Variants in SHQ1 observed in about 807,000 individuals in gnomAD.
SHQ1 encodes protein SHQ1 homolog.
In SHQ1, 49 loss-of-function variants were observed where a neutral mutation model predicts 53.8. The observed-to-expected ratio is 0.91, with a 90% CI of 0.72 to 1.16. The LOEUF is 1.16. SHQ1 is among the 50% of genes most tolerant of loss of function. The pLI is 0.00. For missense variants in SHQ1, 738 were observed against 683.1 expected (o/e 1.08, Z -0.90); for synonymous variants, 243 against 251.0 (o/e 0.97, Z 0.30).
downstream of SHQ1, among the ~76,000 whole-genome samples, chr3:72,746,455 G>A (rs547823698): frequency 8.2e-4 from 125 of 152,292 alleles, no homozygotes; most frequent in Non-Finnish European, 1.4e-3. Context: ...TACTGAGCTA[G>A]TGTAGTATAG....
At chr3:72,842,089 G>A (rs1226328429) in intron 3 of SHQ1, among the ~76,000 whole-genome samples, 191 bp downstream of exon 3, 1 of 152,110 alleles carries the variant, frequency 6.6e-6, no homozygotes, top group Non-Finnish European at 1.5e-5. Flanking sequence ...TGAGTGATCT[G>A]GTTCAATAGG....
intron 10 of SHQ1, among the ~76,000 whole-genome samples, chr3:72,788,787 C>T (rs551551750): frequency 8.5e-5 from 13 of 152,282 alleles, no homozygotes; most frequent in African/African-American, 2.9e-4. Flanking sequence ...CCCCCAACCC[C>T]GTGCTCTCTG....
chr3:72,846,443 G>T, intron 1 of SHQ1: 2 of 726,912 alleles, frequency 2.8e-6, no homozygotes, highest in Non-Finnish European at 4.4e-6. Flanking sequence ...CTACAAGCGC[G>T]TGCCATCAAG....
intron 9 of SHQ1, among the ~76,000 whole-genome samples, chr3:72,804,008 C>A (rs1706867067): frequency 6.6e-6 from 1 of 152,148 alleles, no homozygotes; most frequent in South Asian, 2.1e-4. Context: ...CCTCGAACTC[C>A]TGGGCTCAAG....
At position 72,817,348 on chromosome 3, in the gene SHQ1, T is replaced by G. The variant is rs748068509; in HGVS notation, c.764A>C (p.Lys255Thr). Residue 255 changes from lysine (K) to threonine (T), a missense_variant, in exon 7 of 11, where the codon AAA (lysine) becomes ACA (threonine). Coordinates refer to ENST00000325599, the MANE Select transcript of SHQ1 (RefSeq NM_018130.3). ...CAGCAGATAAGATTTATTGACAAAT[T>G]TTCGTAGCTGATACTTCTCTTCTTC... ...FSEEEKYQLR[K>T]FVNKSYLLDK... 15 of 1,612,668 alleles carry G rather than the reference T, an allele frequency of 9.3e-6. No homozygotes were observed. The highest frequency in any genetic ancestry group is 1.3e-5 in the Non-Finnish European group (15 of 1,179,130).
At chr3:72,777,376 CA>C (rs1489182071) in intron 10 of SHQ1, among the ~76,000 whole-genome samples, 1 of 152,168 alleles carries the variant, frequency 6.6e-6, no homozygotes, top group Non-Finnish European at 1.5e-5. Context: ...TATTGAAAAA[CA>C]GGGGATACAA....
chr3:72,764,295 G>T (rs546527848), intron 10 of SHQ1, among the ~76,000 whole-genome samples: 1 of 152,162 alleles, frequency 6.6e-6, no homozygotes, highest in Non-Finnish European at 1.5e-5. Context: ...CGATCCTCCC[G>T]CCTTGGCCTT....
intron 6 of SHQ1, among the ~76,000 whole-genome samples, chr3:72,823,148 CAAA>C (rs772618429): frequency 1.0e-4 from 8 of 76,260 alleles, no homozygotes; most frequent in African/African-American, 9.5e-5. Flanking sequence ...GACTCCGTCT[CAAA>C]AAAAAAAAAA....
intron 2 of SHQ1, among the ~76,000 whole-genome samples, chr3:72,842,800 G>T (rs1343512042): frequency 6.6e-6 from 1 of 152,140 alleles, no homozygotes; most frequent in Admixed American, 6.5e-5. Context: ...ATCTGGCTGG[G>T]TAAGGTGGCT....
intron 6 of SHQ1, among the ~76,000 whole-genome samples, chr3:72,820,732 A>G (rs1707451501): frequency 2.0e-5 from 3 of 152,198 alleles, no homozygotes; most frequent in Admixed American, 1.3e-4. Context: ...TATAGTTCAC[A>G]ATGTTTTGGC....
intron 1 of SHQ1, chr3:72,846,296 T>C: frequency 6.5e-7 from 1 of 1,527,776 alleles, no homozygotes; most frequent in Non-Finnish European, 8.7e-7. Context: ...AAACTGTATG[T>C]TCTTTTTTTT....
rs1705339726 is a variant in SHQ1, at chr3:72,750,419, TC to T, written c.1598del (p.Gly533GlufsTer6). On this transcript the variant is annotated frameshift_variant, in exon 11 of 11. Transcript: ENST00000325599. LOFTEE classifies it low-confidence loss of function (END_TRUNC). Reference sequence around the variant, plus strand: ...GCTCCTCTATCAGAGGCCCAGACACTCCAAGAGGCCAGGAAGAGGCAAGTGG... The same window carrying T: ...GCTCCTCTATCAGAGGCCCAGACACTCAAGAGGCCAGGAAGAGGCAAGTGG... ...GKPLASSWPLGVSGPLIEELG... is the reference protein window; with the variant it reads ...GKPLASSWPLXVSGPLIEELG... 2 of 1,614,132 alleles carry T rather than the reference TC, an allele frequency of 1.2e-6. No homozygotes were observed. The highest frequency in any genetic ancestry group is 2.7e-5 in the African/African-American group (2 of 75,008).
intron 10 of SHQ1, among the ~76,000 whole-genome samples, chr3:72,778,284 ACT>A (rs1335466683): frequency 2.0e-5 from 3 of 151,788 alleles, no homozygotes; most frequent in Non-Finnish European, 4.4e-5. Context: ...ACAAAGCAAG[ACT>A]CTATCTCTAC....
intron 10 of SHQ1, among the ~76,000 whole-genome samples, chr3:72,760,818 C>T (rs1575677010): frequency 6.6e-6 from 1 of 152,324 alleles, no homozygotes; most frequent in Non-Finnish European, 1.5e-5. Context: ...AGTATCAAAT[C>T]ATTCCTTAAG....
At chr3:72,822,303 T>A (rs1707500395) in intron 6 of SHQ1, among the ~76,000 whole-genome samples, 1 of 152,238 alleles carries the variant, frequency 6.6e-6, no homozygotes, top group Non-Finnish European at 1.5e-5. Flanking sequence ...ATCACCATAA[T>A]GGCTTTGCAG....
In SHQ1 at chr3:72,848,408, C is replaced by A; in HGVS notation, c.-68G>T. On this transcript the variant is annotated 5_prime_UTR_variant, in exon 1 of 11. Coordinates refer to ENST00000325599, the MANE Select transcript of SHQ1 (RefSeq NM_018130.3). ...CCGCCGCGTTCCCGCCACGCAAACTCTCCAACTCCCCACGCGCAGGAACTC... is the reference window on the plus strand; with the variant it reads ...CCGCCGCGTTCCCGCCACGCAAACTATCCAACTCCCCACGCGCAGGAACTC... The A allele has an allele frequency of 1.3e-6, 2 of 1,590,782 alleles. No individual in the cohort carries two copies. Among genetic ancestry groups the A allele is most frequent in the African/African-American group, 2.7e-5 (2 of 74,254 alleles).
intron 9 of SHQ1, among the ~76,000 whole-genome samples, chr3:72,801,728 TCAATGGATAATAA>T (rs1553693338): frequency 2.0e-5 from 3 of 152,176 alleles, no homozygotes; most frequent in Non-Finnish European, 2.9e-5. Flanking sequence ...TATATTTTAA[TCAATGGATAATAA>T]ATATAATTTA....
chr3:72,745,488 A>C (rs1362662930), downstream of SHQ1, among the ~76,000 whole-genome samples: 1 of 152,224 alleles, frequency 6.6e-6, no homozygotes, highest in Non-Finnish European at 1.5e-5. Context: ...ATGCAAGCCT[A>C]GAAGATGAGG....
chr3:72,739,932 C>T, the SHQ1 span, among the ~76,000 whole-genome samples: 7 of 152,174 alleles, frequency 4.6e-5, no homozygotes, highest in South Asian at 4.1e-4. Flanking sequence ...CAGCCAGCTG[C>T]TGGGAACAGG....
Sources: gnomAD v4.1 joint callset for allele counts (sites outside exome capture counted in the v4.1 genomes callset) on GRCh38, gnomAD v4.1.1 for gene constraint, MANE v1.5 for transcripts, NCBI Gene and HGNC (gene_info 2026-07-23, HGNC 2026-07-21) for gene names.